The following SPAG17 variants were observed in gnomAD, a reference collection of about 807,000 sequenced individuals.
SPAG17 encodes the protein sperm associated antigen 17, also known as sperm-associated antigen 17.
A neutral mutation model predicts 273.6 loss-of-function variants in SPAG17; 169 were observed. The ratio of observed to expected loss-of-function variants is 0.62; its 90% confidence interval spans 0.55 to 0.70. The LOEUF is 0.70. SPAG17 is among the 30% of genes least tolerant of loss of function. The pLI is 0.00. For synonymous variants in SPAG17, 825 were observed against 873.2 expected (o/e 0.94, Z 0.97); for missense variants, 2,557 against 2,627.8 (o/e 0.97, Z 0.59).
At chr1:118,141,495 A>G (rs183956915) in intron 3 of SPAG17, among the ~76,000 whole-genome samples, 2 of 152,366 alleles carry the variant, frequency 1.3e-5, no homozygotes, top group East Asian at 3.9e-4. Context: ...TAGGTAATAA[A>G]GCAAATCTTT....
chr1:118,135,432 G>GTGTGTGT (rs1558036945), intron 3 of SPAG17, among the ~76,000 whole-genome samples: 9 of 145,644 alleles, frequency 6.2e-5, no homozygotes, highest in African/African-American at 2.3e-4. Flanking sequence ...TGTGTGTGTG[G>GTGTGTGT]GGTATGGTGT....
At chr1:117,971,706 T>A in intron 45 of SPAG17, 157 bp downstream of exon 45, 1 of 525,558 alleles carries the variant, frequency 1.9e-6, no homozygotes, top group Non-Finnish European at 3.2e-6. Context: ...GATGAATGAA[T>A]GAATGAGTTA....
At chr1:118,100,033 A>G (rs1391701595) in intron 5 of SPAG17, among the ~76,000 whole-genome samples, 1 of 152,238 alleles carries the variant, frequency 6.6e-6, no homozygotes, top group Non-Finnish European at 1.5e-5. Flanking sequence ...AATGCGACAT[A>G]GGCGTAATAG....
intron 2 of SPAG17, among the ~76,000 whole-genome samples, chr1:118,150,962 A>G (rs1471494701): frequency 6.6e-6 from 1 of 152,190 alleles, no homozygotes; most frequent in Non-Finnish European, 1.5e-5. Flanking sequence ...TGAATTAAAT[A>G]TTTTGTCACA....
Position 118,008,076 on chromosome 1 carries a change from T to A in SPAG17, c.4555A>T (p.Thr1519Ser). 1 of 1,614,072 alleles carries A rather than the reference T, an allele frequency of 6.2e-7. No homozygotes were observed. Among genetic ancestry groups the A allele is most frequent in the Non-Finnish European group, 8.5e-7 (1 of 1,179,948 alleles). The part of the protein sequence containing the change: ...SCCATFGDGT[T>S]IIAKPQGTYQ... Reference sequence around the variant, plus strand: ...GTTCCCTGTGGCTTTGCAATAATAGTTGTTCCATCTCCAAAGGTGGCACAG... The same window carrying A: ...GTTCCCTGTGGCTTTGCAATAATAGATGTTCCATCTCCAAAGGTGGCACAG... Residue 1519 changes from threonine to serine, a missense_variant, in exon 31 of 49, where the codon ACT becomes TCT. Transcript: ENST00000336338.
intron 3 of SPAG17, among the ~76,000 whole-genome samples, chr1:118,146,045 G>A (rs1030160488): frequency 3.3e-5 from 5 of 152,202 alleles, no homozygotes; most frequent in Admixed American, 1.3e-4. Context: ...AAAGAAACAT[G>A]AAGTGGAATT....
At chr1:117,958,393 G>C (rs1652528990) in intron 48 of SPAG17, among the ~76,000 whole-genome samples, 1 of 152,098 alleles carries the variant, frequency 6.6e-6, no homozygotes, top group Non-Finnish European at 1.5e-5. Context: ...AGGGTTGCTG[G>C]TTCTACGAGT....
chr1:117,962,792 A>G (rs1362169856), intron 48 of SPAG17: 2 of 152,234 alleles, frequency 1.3e-5, no homozygotes, highest in Admixed American at 6.5e-5. Flanking sequence ...TGCCCAGGAA[A>G]GCAATGGTAT....
chr1:118,108,279 T>C (rs1656534346), intron 4 of SPAG17, among the ~76,000 whole-genome samples: 1 of 152,192 alleles, frequency 6.6e-6, no homozygotes, highest in African/African-American at 2.4e-5. Context: ...AATTCTACCT[T>C]GGTTTCAAAG....
chr1:118,131,774 G>A (rs1658065082), intron 3 of SPAG17, among the ~76,000 whole-genome samples: 1 of 152,158 alleles, frequency 6.6e-6, no homozygotes, highest in Non-Finnish European at 1.5e-5. Flanking sequence ...CCTGAAGGGT[G>A]CACTGTTGAT....
chr1:117,990,083 G>A (rs1656908467), intron 38 of SPAG17, among the ~76,000 whole-genome samples: 1 of 152,134 alleles, frequency 6.6e-6, no homozygotes, highest in Non-Finnish European at 1.5e-5. Context: ...GACATAGGGG[G>A]TTGTGATGGA....
chr1:118,147,255 T>C (rs553805350), intron 3 of SPAG17, among the ~76,000 whole-genome samples: 1 of 152,212 alleles, frequency 6.6e-6, no homozygotes, highest in African/African-American at 2.4e-5. Context: ...CTGGCACTAG[T>C]GCTTTAACGA....
At chr1:117,973,013 G>A (rs964573906) in intron 44 of SPAG17, among the ~76,000 whole-genome samples, 2 of 152,174 alleles carry the variant, frequency 1.3e-5, no homozygotes, top group East Asian at 1.9e-4. Context: ...TCATGGCAAC[G>A]GTGGCCAATG....
intron 1 of SPAG17, among the ~76,000 whole-genome samples, chr1:118,179,357 G>C (rs889815535): frequency 6.6e-6 from 1 of 151,800 alleles, no homozygotes; most frequent in African/African-American, 2.4e-5. Flanking sequence ...CAATAAATGG[G>C]AAATAAATGC....
chr1:118,003,141 T>G (rs1658493741), intron 32 of SPAG17, among the ~76,000 whole-genome samples: 1 of 152,234 alleles, frequency 6.6e-6, no homozygotes, highest in South Asian at 2.1e-4. Context: ...TTTCAGAATG[T>G]TGAATATTGG....
chr1:118,086,849 C>G (rs759565972), intron 11 of SPAG17, 22 bp downstream of exon 11: 1 of 1,614,170 alleles, frequency 6.2e-7, no homozygotes, highest in South Asian at 1.1e-5. Context: ...CATGAAGACT[C>G]TGCTATCTCA....
intron 1 of SPAG17, among the ~76,000 whole-genome samples, chr1:118,172,636 C>A (rs1021707510): frequency 1.3e-5 from 2 of 152,146 alleles, no homozygotes; most frequent in Non-Finnish European, 2.9e-5. Context: ...GTCTAAAGAA[C>A]CTAAACAAGC....
chr1:118,085,653 GA>G (rs937631765), intron 13 of SPAG17, among the ~76,000 whole-genome samples: 1 of 151,700 alleles, frequency 6.6e-6, no homozygotes, highest in African/African-American at 2.4e-5. Context: ...GGAAAACGAG[GA>G]AAAAAGGGAA....
intron 17 of SPAG17, among the ~76,000 whole-genome samples, chr1:118,069,048 T>C (rs902112342): frequency 1.3e-5 from 2 of 151,968 alleles, no homozygotes; most frequent in African/African-American, 2.4e-5. Context: ...TAGAGGGTGG[T>C]AGTCATATAA....
Sources: gnomAD v4.1 joint callset for allele counts (sites outside exome capture counted in the v4.1 genomes callset) on GRCh38, gnomAD v4.1.1 for gene constraint, MANE v1.5 for transcripts, NCBI Gene and HGNC (gene_info 2026-07-23, HGNC 2026-07-21) for gene names.